SPATA7: variants seen among roughly 807,000 people sequenced by gnomAD.
SPATA7 encodes the protein spermatogenesis-associated protein 7.
SPATA7 carries 43 observed loss-of-function variants against 51.8 expected under a neutral mutation model. That is an observed-to-expected ratio of 0.83 (90% CI 0.65 to 1.07). The LOEUF (loss-of-function observed/expected upper bound fraction) is 1.07. Ranked by LOEUF, SPATA7 falls within the 50% of genes least tolerant of loss-of-function variation. The probability of loss-of-function intolerance (pLI) is 0.00; values close to 1 mark genes in which losing one functional copy is unlikely to be tolerated. For missense variants in SPATA7, 683 were observed against 701.3 expected (o/e 0.97, Z 0.30); for synonymous variants, 230 against 252.8 (o/e 0.91, Z 0.86).
chr14:88,395,370 A>G (rs2075853101), intron 3 of SPATA7, among the ~76,000 whole-genome samples: 1 of 152,034 alleles, frequency 6.6e-6, no homozygotes, highest in South Asian at 2.1e-4. Flanking sequence ...TTAAATGACT[A>G]AAAAAACAAA....
Position 88,447,656 on chromosome 14 carries a change from A to T in SPATA7, c.178-7404A>T, listed in dbSNP as rs942018945. ...CCTTTCCATGTTTAGCGCTTCCTTC[A>T]GGAGCTCTTTTAGGGCAGGCCTGGT... On this transcript the variant is annotated intron_variant, in intron 3 of 3. Coordinates refer to the SPATA7 transcript ENST00000554802. Among the ~76,000 whole-genome samples the T allele has an allele frequency of 1.3e-3, 200 of 151,634 alleles. 1 individual carries two copies. Among genetic ancestry groups the T allele is most frequent in the Middle Eastern group, 6.8e-3 (2 of 294 alleles).
intron 3 of SPATA7, among the ~76,000 whole-genome samples, chr14:88,454,076 A>G (rs910692044): frequency 1.3e-5 from 2 of 152,208 alleles, no homozygotes; most frequent in African/African-American, 4.8e-5. Flanking sequence ...ATACCATTGT[A>G]TAAGTTTCCT....
intron 3 of SPATA7, among the ~76,000 whole-genome samples, chr14:88,452,943 C>A (rs1187462266): frequency 6.6e-6 from 1 of 152,172 alleles, no homozygotes; most frequent in Non-Finnish European, 1.5e-5. Flanking sequence ...TGTATCTGCT[C>A]AGGGTATCAT....
At chr14:88,446,522 C>G (rs1376048021) in intron 3 of SPATA7, among the ~76,000 whole-genome samples, 1 of 151,078 alleles carries the variant, frequency 6.6e-6, no homozygotes, top group Non-Finnish European at 1.5e-5. Flanking sequence ...TTGCCTTCTG[C>G]TAGCTTTTGA....
intron 4 of SPATA7, chr14:88,416,500 A>T: frequency 2.4e-6 from 1 of 419,780 alleles, no homozygotes; most frequent in South Asian, 4.0e-5. Flanking sequence ...ATTTCTATAA[A>T]TTAAATGTGT....
In SPATA7 at chr14:88,469,134, G is replaced by T; in HGVS notation, c.255-713G>T. The stretch of plus-strand genomic sequence containing the variant: ...AAGGATCAAGGCGTATCACATTGTT[G>T]ACTCAATCTTCATATTCTCTCCACT... On this transcript the variant is annotated intron_variant, in intron 4 of 4. Transcript: ENST00000556406. The surrounding 1 kb of genome is among the most constrained non-coding windows in gnomAD (Gnocchi z 4.3). The T allele has an allele frequency of 6.5e-7, 1 of 1,530,688 alleles. No individual in the cohort carries two copies. Among genetic ancestry groups the T allele is most frequent in the South Asian group, 1.2e-5 (1 of 81,144 alleles). 94.8% of individuals were successfully genotyped at this position (1,530,688 alleles called of 1,614,324 possible). A position where few individuals can be genotyped will look rare whatever the true frequency, so the allele number is the denominator to read the frequency against.
At chr14:88,436,942 T>G (rs964612687) in intron 10 of SPATA7, among the ~76,000 whole-genome samples, 2 of 152,146 alleles carry the variant, frequency 1.3e-5, no homozygotes, top group Admixed American at 1.3e-4. Context: ...TTTAGGATTT[T>G]TTTTTCTATT....
intron 4 of SPATA7, among the ~76,000 whole-genome samples, chr14:88,396,584 C>G (rs1452184916): frequency 6.6e-6 from 1 of 152,122 alleles, no homozygotes; most frequent in Admixed American, 6.5e-5. Flanking sequence ...CAAGGTTCAC[C>G]CATATTGTAA....
chr14:88,436,816 T>G (rs1595300267), intron 10 of SPATA7, among the ~76,000 whole-genome samples: 1 of 152,218 alleles, frequency 6.6e-6, no homozygotes, highest in East Asian at 1.9e-4. Flanking sequence ...CATGCTGTTT[T>G]GGTTACTGTA....
chr14:88,463,412 A>G (rs779634732), intron 4 of SPATA7, among the ~76,000 whole-genome samples: 2 of 152,172 alleles, frequency 1.3e-5, no homozygotes, highest in South Asian at 4.1e-4. Flanking sequence ...TAAAACAGAC[A>G]CTTAACTTCA....
intron 4 of SPATA7, among the ~76,000 whole-genome samples, chr14:88,413,618 G>A (rs1410592545): frequency 6.6e-6 from 1 of 152,150 alleles, no homozygotes; most frequent in Admixed American, 6.5e-5. Context: ...TCCTTATGCT[G>A]TTCCAGTTCA....
chr14:88,400,576 G>A (rs1210093702), intron 4 of SPATA7, among the ~76,000 whole-genome samples: 1 of 152,234 alleles, frequency 6.6e-6, no homozygotes, highest in Non-Finnish European at 1.5e-5. Context: ...GCTCATGCCT[G>A]TAATCCCAGC....
intron 4 of SPATA7, chr14:88,468,903 T>A: frequency 1.2e-6 from 2 of 1,613,950 alleles, no homozygotes; most frequent in Non-Finnish European, 1.7e-6. Flanking sequence ...CAGGTGATCA[T>A]AAGCGCCATC....
In SPATA7 at chr14:88,469,144, T is replaced by G. The variant is rs188438739; in HGVS notation, c.255-703T>G. On this transcript the variant is annotated intron_variant, in intron 4 of 4. Coordinates refer to the SPATA7 transcript ENST00000556406. The surrounding 1 kb of genome is among the most constrained non-coding windows in gnomAD (Gnocchi z 4.3). Reference sequence around the variant, plus strand: ...GCGTATCACATTGTTGACTCAATCTTCATATTCTCTCCACTGATTAAGAGG... The same window carrying G: ...GCGTATCACATTGTTGACTCAATCTGCATATTCTCTCCACTGATTAAGAGG... 4 of 1,490,760 alleles carry G rather than the reference T, an allele frequency of 2.7e-6. No homozygotes were observed. The highest frequency in any genetic ancestry group is 2.3e-5 in the East Asian group (1 of 43,522). 92.3% of individuals were successfully genotyped at this position (1,490,760 alleles called of 1,614,324 possible).
intron 4 of SPATA7, chr14:88,466,971 G>C (rs1052500419): frequency 6.6e-6 from 1 of 152,164 alleles, no homozygotes; most frequent in Non-Finnish European, 1.5e-5. Flanking sequence ...AAACAATACA[G>C]GTTGAGGTGG....
chr14:88,434,769 A>G (rs2077039105), intron 10 of SPATA7, among the ~76,000 whole-genome samples: 1 of 152,144 alleles, frequency 6.6e-6, no homozygotes, highest in Non-Finnish European at 1.5e-5. Context: ...ACAAGTTGGT[A>G]AAGAAATACA....
rs1486850448 is a variant in SPATA7, at chr14:88,469,353, C to A, written c.255-494C>A. Reference sequence around the variant, plus strand: ...TAATTTATAAACCTCGTTAACCCTCCCCAAAACACTTGTATTCTTTATGTT... The same window carrying A: ...TAATTTATAAACCTCGTTAACCCTCACCAAAACACTTGTATTCTTTATGTT... On this transcript the variant is annotated intron_variant, in intron 4 of 4. Transcript: ENST00000556406. The surrounding 1 kb of genome is among the most constrained non-coding windows in gnomAD (Gnocchi z 4.3). 1 of 799,810 alleles carries A rather than the reference C, an allele frequency of 1.3e-6. No homozygotes were observed. Among genetic ancestry groups the A allele is most frequent in the Admixed American group, 2.7e-5 (1 of 36,786 alleles). The allele number at this position is 799,810 out of a possible 1,614,324, so 49.5% of individuals were successfully genotyped here.
At chr14:88,450,332 A>G (rs1313088983) in intron 3 of SPATA7, among the ~76,000 whole-genome samples, 8 of 152,026 alleles carry the variant, frequency 5.3e-5, no homozygotes, top group Non-Finnish European at 8.8e-5. Flanking sequence ...TATTCTATTC[A>G]TCGTACTATT....
chr14:88,449,247 G>C (rs1023686890), intron 3 of SPATA7, among the ~76,000 whole-genome samples: 4 of 151,998 alleles, frequency 2.6e-5, no homozygotes, highest in Non-Finnish European at 4.4e-5. Flanking sequence ...GTATTCCAGA[G>C]GTTCAGATAT....
Sources: allele counts gnomAD v4.1 joint callset (sites outside exome capture counted in the v4.1 genomes callset), GRCh38; gene constraint gnomAD v4.1.1; non-coding constraint Gnocchi (gnomAD v3.1); transcripts MANE v1.5; gene names NCBI Gene and HGNC (gene_info 2026-07-23, HGNC 2026-07-21).